The following MECOM variants were observed in gnomAD, a reference collection of about 807,000 sequenced individuals.
MECOM encodes histone-lysine N-methyltransferase MECOM.
MECOM carries 13 observed loss-of-function variants against 116.3 expected under a neutral mutation model. The observed-to-expected ratio is 0.11, with a 90% confidence interval of 0.07 to 0.18. The LOEUF (loss-of-function observed/expected upper bound fraction) is 0.18. Among genes scored for constraint, MECOM ranks in the 10% least tolerant of loss-of-function variants. MECOM has a pLI of 1.00. For missense variants in MECOM, 1,299 were observed against 1,509.0 expected (o/e 0.86, Z 2.31); for synonymous variants, 528 against 535.2 (o/e 0.99, Z 0.19).
intron 15 of MECOM, 84 bp downstream of exon 15, chr3:169,089,916 T>A: frequency 6.6e-7 from 1 of 1,515,584 alleles, no homozygotes; most frequent in Non-Finnish European, 8.8e-7. Context: ...GATTTATAAC[T>A]CACAAATTGC....
chr3:169,268,580 G>A (rs767679776), intron 2 of MECOM, among the ~76,000 whole-genome samples: 4 of 152,190 alleles, frequency 2.6e-5, no homozygotes, highest in Non-Finnish European at 5.9e-5. Context: ...ACTTTTATCA[G>A]TGAACAAGCT....
At chr3:169,659,440 A>AATT in intron 1 of MECOM, among the ~76,000 whole-genome samples, 1 of 62,138 alleles carries the variant, frequency 1.6e-5, no homozygotes, top group Non-Finnish European at 2.8e-5. Flanking sequence ...CTAAACACAG[A>AATT]TTTTTTTTTT....
intron 3 of MECOM, among the ~76,000 whole-genome samples, chr3:169,135,687 T>A (rs1736147310): frequency 6.6e-6 from 1 of 151,968 alleles, no homozygotes; most frequent in South Asian, 2.1e-4. Context: ...TTTCATTTTA[T>A]CACATAAAAA....
chr3:169,112,165 CT>C (rs1209610047), intron 9 of MECOM, among the ~76,000 whole-genome samples: 1 of 152,018 alleles, frequency 6.6e-6, no homozygotes, highest in African/African-American at 2.4e-5. Context: ...TGTATAAGGA[CT>C]TTAGGATGAA....
At chr3:169,635,684 T>G (rs936483282) in intron 1 of MECOM, among the ~76,000 whole-genome samples, 2 of 152,252 alleles carry the variant, frequency 1.3e-5, no homozygotes, top group Non-Finnish European at 2.9e-5. Context: ...TGTGGCTGCA[T>G]GTACTCTGGC....
At chr3:169,166,142 A>G (rs1188982066) in intron 2 of MECOM, among the ~76,000 whole-genome samples, 2 of 152,214 alleles carry the variant, frequency 1.3e-5, no homozygotes, top group Non-Finnish European at 2.9e-5. Flanking sequence ...TAACGCTTGC[A>G]GCAGCGGTTG....
At position 169,502,276 on chromosome 3, in the gene MECOM, C is replaced by A. The variant is rs190466112; in HGVS notation, c.38-120752G>T. On this transcript the variant is annotated intron_variant, in intron 1 of 16. Coordinates refer to ENST00000651503, the MANE Select transcript of MECOM (RefSeq NM_004991.4). ...CCTTTCTGTGAACTTGATGCTTGCA[C>A]AGAGAAATAAAGATACAAAAAATAT... Among the ~76,000 whole-genome samples, 3 of 152,210 alleles carry A rather than the reference C, an allele frequency of 2.0e-5. No individual in the cohort carries two copies. The East Asian group carries it at 5.8e-4, about 29-fold the overall frequency.
chr3:169,143,725 G>A lies in MECOM; in HGVS notation c.483C>T (p.Asn161=). 2 of 1,609,336 alleles carry A rather than the reference G, an allele frequency of 1.2e-6. No individual in the cohort carries two copies. The highest frequency in any genetic ancestry group is 2.7e-5 in the African/African-American group (2 of 74,738). The change falls in exon 3 of 17, where the codon AAC becomes AAT. Residue 161 remains asparagine, a synonymous_variant. Coordinates refer to ENST00000651503, the MANE Select transcript of MECOM (RefSeq NM_004991.4). The part of the protein sequence containing the change: ...IRFAGCYDQH[N]LVACQINDQI... ...GATCATTTATCTGGCATGCAACAAG[G>A]TTGTGCTGATCATAACAGCCAGCGA...
chr3:169,531,117 A>G (rs1758573667), intron 1 of MECOM, among the ~76,000 whole-genome samples: 1 of 152,156 alleles, frequency 6.6e-6, no homozygotes, highest in Non-Finnish European at 1.5e-5. Context: ...CTGGTCTGAC[A>G]TACCTTCCCA....
At chr3:169,425,211 A>C (rs1434457096) in intron 1 of MECOM, among the ~76,000 whole-genome samples, 1 of 151,954 alleles carries the variant, frequency 6.6e-6, no homozygotes, top group Non-Finnish European at 1.5e-5. Context: ...GAGCACTTTC[A>C]ATTTTTTATG....
intron 1 of MECOM, among the ~76,000 whole-genome samples, chr3:169,478,315 T>C (rs1024207791): frequency 6.6e-6 from 1 of 152,190 alleles, no homozygotes; most frequent in Non-Finnish European, 1.5e-5. Context: ...CAGAATTCAA[T>C]ATGCGGTATG....
intron 1 of MECOM, among the ~76,000 whole-genome samples, chr3:169,397,403 T>A (rs1365120706): frequency 1.3e-5 from 2 of 152,322 alleles, no homozygotes; most frequent in Non-Finnish European, 1.5e-5. Flanking sequence ...TGAAAACCTA[T>A]TCCATTATTT....
At chr3:169,532,647 C>T (rs559522917) in intron 1 of MECOM, among the ~76,000 whole-genome samples, 4 of 152,314 alleles carry the variant, frequency 2.6e-5, no homozygotes, top group Admixed American at 2.6e-4. Flanking sequence ...TAGACCACTG[C>T]TTCTGTGAAA....
chr3:169,218,444 G>C (rs1300450949), intron 2 of MECOM, among the ~76,000 whole-genome samples: 1 of 152,114 alleles, frequency 6.6e-6, no homozygotes, highest in Admixed American at 6.5e-5. Flanking sequence ...CCACAGCTTG[G>C]GTGGGAAGTT....
chr3:169,577,190 G>A (rs900156482), intron 1 of MECOM, among the ~76,000 whole-genome samples: 2 of 152,202 alleles, frequency 1.3e-5, no homozygotes, highest in Non-Finnish European at 2.9e-5. Flanking sequence ...GAGTTATTGT[G>A]AGGATGAAAT....
chr3:169,644,618 C>A (rs1321248916), intron 1 of MECOM, among the ~76,000 whole-genome samples: 1 of 152,116 alleles, frequency 6.6e-6, no homozygotes, highest in African/African-American at 2.4e-5. Context: ...ACTCAAAATT[C>A]TCATAAAAAC....
At chr3:169,528,320 T>C (rs527289777) in intron 1 of MECOM, among the ~76,000 whole-genome samples, 1 of 152,308 alleles carries the variant, frequency 6.6e-6, no homozygotes, top group South Asian at 2.1e-4. Context: ...TAAGTGCCCA[T>C]AGTCTCAAAC....
intron 1 of MECOM, among the ~76,000 whole-genome samples, chr3:169,556,315 G>A (rs1256265179): frequency 2.0e-5 from 3 of 152,186 alleles, no homozygotes; most frequent in African/African-American, 7.2e-5. Flanking sequence ...ACCAGTGGAT[G>A]GTGGTGGTGG....
chr3:169,420,638 C>T (rs1739562347), intron 1 of MECOM, among the ~76,000 whole-genome samples: 1 of 152,090 alleles, frequency 6.6e-6, no homozygotes, highest in Admixed American at 6.6e-5. Context: ...AAGAGAGCCC[C>T]ACTCCTCTGG....
Sources: gnomAD v4.1 joint callset for allele counts (sites outside exome capture counted in the v4.1 genomes callset) on GRCh38, gnomAD v4.1.1 for gene constraint, MANE v1.5 for transcripts, NCBI Gene and HGNC (gene_info 2026-07-23, HGNC 2026-07-21) for gene names.